The following GALNT13 variants were observed in gnomAD, a reference collection of about 807,000 sequenced individuals.
The protein encoded by GALNT13 is UDP-GalNAc:polypeptide N-acetylgalactosaminyltransferase 13.
A neutral mutation model predicts 64.2 loss-of-function variants in GALNT13; 28 were observed. The observed-to-expected ratio is 0.44, with a 90% confidence interval of 0.32 to 0.60. The LOEUF is 0.60. Among genes scored for constraint, GALNT13 ranks in the 20% least tolerant of loss-of-function variants. The pLI is 0.05. For missense variants in GALNT13, 577 were observed against 669.8 expected (o/e 0.86, Z 1.53); for synonymous variants, 214 against 224.6 (o/e 0.95, Z 0.42).
the GALNT13 span, among the ~76,000 whole-genome samples, chr2:153,607,742 G>A: frequency 1.3e-5 from 2 of 151,906 alleles, no homozygotes; most frequent in South Asian, 2.1e-4. Context: ...AATAAACTCA[G>A]CTATAAAATA....
At chr2:153,228,445 G>T in the GALNT13 span, among the ~76,000 whole-genome samples, 1 of 152,036 alleles carries the variant, frequency 6.6e-6, no homozygotes, top group Non-Finnish European at 1.5e-5. Context: ...TGCCACAGTT[G>T]CACCAATCTT....
At chr2:153,488,031 C>T in the GALNT13 span, among the ~76,000 whole-genome samples, 1 of 152,152 alleles carries the variant, frequency 6.6e-6, no homozygotes, top group Non-Finnish European at 1.5e-5. Flanking sequence ...AAGTCTTATA[C>T]ATTACATGTT....
the GALNT13 span, among the ~76,000 whole-genome samples, chr2:153,631,134 A>G: frequency 6.6e-6 from 1 of 152,108 alleles, no homozygotes; most frequent in African/African-American, 2.4e-5. Flanking sequence ...TACAAAGGAC[A>G]TGAACTCATC....
intron 4 of GALNT13, among the ~76,000 whole-genome samples, chr2:154,165,588 A>C (rs928206582): frequency 6.6e-6 from 1 of 152,334 alleles, no homozygotes; most frequent in Non-Finnish European, 1.5e-5. Flanking sequence ...ATTAAAAATT[A>C]GTTTTCATTA....
intron 9 of GALNT13, among the ~76,000 whole-genome samples, chr2:154,319,204 A>G (rs1224864823): frequency 6.6e-6 from 1 of 152,196 alleles, no homozygotes; most frequent in African/African-American, 2.4e-5. Flanking sequence ...TTAAAAGTAC[A>G]TAAAATAAAT....
chr2:153,164,852 G>A, the GALNT13 span, among the ~76,000 whole-genome samples: 1 of 151,978 alleles, frequency 6.6e-6, no homozygotes, highest in African/African-American at 2.4e-5. Context: ...TTAATTTTTT[G>A]ATGGATATTA....
chr2:154,171,648 T>A (rs1280676742), intron 4 of GALNT13, among the ~76,000 whole-genome samples: 1 of 152,076 alleles, frequency 6.6e-6, no homozygotes, highest in Non-Finnish European at 1.5e-5. Context: ...AGTCCCTGAC[T>A]CTGAAATAGG....
chr2:153,088,171 T>C, the GALNT13 span, among the ~76,000 whole-genome samples: 3 of 152,138 alleles, frequency 2.0e-5, no homozygotes, highest in African/African-American at 7.2e-5. Flanking sequence ...GTTACTATTA[T>C]TGTTCAGTCC....
At chr2:153,124,132 T>G in the GALNT13 span, among the ~76,000 whole-genome samples, 4 of 152,314 alleles carry the variant, frequency 2.6e-5, no homozygotes, top group Non-Finnish European at 5.9e-5. Flanking sequence ...AGCCAGAAAC[T>G]GAGGCCCTCA....
intron 9 of GALNT13, among the ~76,000 whole-genome samples, chr2:154,357,412 G>A (rs1197169686): frequency 1.3e-5 from 2 of 151,980 alleles, no homozygotes; most frequent in African/African-American, 4.8e-5. Context: ...TTGTCCTGGT[G>A]TCCCAGTTCT....
intron 3 of GALNT13, among the ~76,000 whole-genome samples, chr2:154,006,962 A>G (rs1307926006): frequency 1.3e-5 from 2 of 152,198 alleles, no homozygotes; most frequent in Non-Finnish European, 2.9e-5. Flanking sequence ...GGATATTATA[A>G]CTGTGACTAG....
At chr2:153,315,380 C>T in the GALNT13 span, among the ~76,000 whole-genome samples, 1 of 152,166 alleles carries the variant, frequency 6.6e-6, no homozygotes, top group Non-Finnish European at 1.5e-5. Context: ...TCTGGGGCTT[C>T]TTTTATAAAG....
chr2:153,657,540 A>G, the GALNT13 span, among the ~76,000 whole-genome samples: 1 of 152,078 alleles, frequency 6.6e-6, no homozygotes, highest in Non-Finnish European at 1.5e-5. Flanking sequence ...ATGACTTGCT[A>G]AGGTAAAAGA....
chr2:153,088,216 T>G, the GALNT13 span, among the ~76,000 whole-genome samples: 1 of 152,176 alleles, frequency 6.6e-6, no homozygotes, highest in East Asian at 1.9e-4. Context: ...CATTTCAATG[T>G]TGACCCAAAG....
intron 3 of GALNT13, among the ~76,000 whole-genome samples, chr2:154,095,205 C>A (rs1161045504): frequency 6.6e-6 from 1 of 151,808 alleles, no homozygotes; most frequent in Non-Finnish European, 1.5e-5. Context: ...TGACACATAG[C>A]TTCTGCATAA....
chr2:153,633,098 A>G, the GALNT13 span, among the ~76,000 whole-genome samples: 1 of 152,148 alleles, frequency 6.6e-6, no homozygotes. Flanking sequence ...ATTTCGCTGC[A>G]TGGTATACCA....
chr2:153,127,914 G>A, the GALNT13 span, among the ~76,000 whole-genome samples: 1 of 152,138 alleles, frequency 6.6e-6, no homozygotes, highest in Non-Finnish European at 1.5e-5. Flanking sequence ...TATTTACTAT[G>A]TGCAAATGCC....
chr2:154,105,557 T>C (rs1273351503), intron 3 of GALNT13, among the ~76,000 whole-genome samples: 2 of 152,182 alleles, frequency 1.3e-5, no homozygotes, highest in Non-Finnish European at 2.9e-5. Context: ...CCTAGATTTA[T>C]GTAAGTACAC....
rs774423482 is a variant in GALNT13 at position 154,452,889 on chromosome 2, T to G, written c.*2338T>G. On this transcript the variant is annotated 3_prime_UTR_variant, in exon 13 of 13. Transcript: ENST00000392825. ...TAATGCACTTGTCTTATCCCTTATTTATGGAGCTAGACTGACATATTTCAA... is the reference window on the plus strand; with the variant it reads ...TAATGCACTTGTCTTATCCCTTATTGATGGAGCTAGACTGACATATTTCAA... The G allele has an allele frequency of 1.2e-4, 18 of 152,174 alleles. No individual in the cohort carries two copies. The highest frequency in any genetic ancestry group is 3.9e-4 in the African/African-American group (16 of 41,460). The allele number at this position is 152,174 out of a possible 1,614,324, so 9.4% of individuals were successfully genotyped here.
Sources: allele counts gnomAD v4.1 joint callset (sites outside exome capture counted in the v4.1 genomes callset), GRCh38; gene constraint gnomAD v4.1.1; transcripts MANE v1.5; gene names NCBI Gene and HGNC (gene_info 2026-07-23, HGNC 2026-07-21).